PATJ: variants seen among roughly 807,000 people sequenced by gnomAD.
PATJ encodes the protein PATJ crumbs cell polarity complex component, also known as inaD-like protein.
Under a neutral mutation model 224.9 loss-of-function variants are expected in PATJ, and 190 were observed. That is an observed-to-expected ratio of 0.84 (90% CI 0.75 to 0.95). The LOEUF is 0.95. PATJ is among the 40% of genes least tolerant of loss of function. The pLI is 0.00. For synonymous variants in PATJ, 769 were observed against 820.3 expected, an observed-to-expected ratio of 0.94 and a Z score of 1.07; for missense variants, 2,121 against 2,270.3, an observed-to-expected ratio of 0.93 and a Z score of 1.34.
chr1:61,798,052 T>C (rs975675951), intron 11 of PATJ, among the ~76,000 whole-genome samples: 1 of 152,204 alleles, frequency 6.6e-6, no homozygotes, highest in African/African-American at 2.4e-5. Context: ...GTGATCTGCC[T>C]GCCTTGGTCT....
chr1:61,995,012 A>G lies in PATJ; in HGVS notation c.3867+4648A>G, dbSNP rs139352918. ...ACTCTATGATATGTGAAGAATTTGT[A>G]TGTAGTATAATATCAAATCCAATGT... On this transcript the variant is annotated intron_variant, in intron 28 of 43. Coordinates refer to ENST00000642238, the MANE Select transcript of PATJ (RefSeq NM_001350145.3). 2.5e-4 allele frequency among the ~76,000 whole-genome samples: 38 copies of G among 152,378 alleles called. No individual in the cohort carries two copies. In the East Asian group the frequency reaches 6.4e-3, roughly 25 times the overall value.
chr1:62,036,900 AGG>A (rs1650517991), intron 29 of PATJ, among the ~76,000 whole-genome samples: 49 of 145,550 alleles, frequency 3.4e-4, no homozygotes, highest in Admixed American at 1.1e-3. Context: ...AAAGGAAGGA[AGG>A]GAGGGAGGGA....
chr1:61,884,344 C>G lies in PATJ; in HGVS notation c.3067C>G (p.Arg1023Gly), dbSNP rs36195976. 2,089 of 1,612,972 alleles carry G rather than the reference C, an allele frequency of 1.3e-3. 20 individuals carry two copies. In the African/African-American group the frequency reaches 0.025, roughly 19 times the overall value. Reference protein sequence around the residue: ...DLPLYQHQATRVISKASAYTG... With the variant: ...DLPLYQHQATGVISKASAYTG... ...GCCTTTATATCAACACCAAGCGACA[C>G]GAGTTATTTCCAAGGCCTCAGCATA... The change falls in exon 22 of 44, where the codon CGA (arginine) becomes GGA (glycine). Residue 1023 changes from arginine to glycine, a missense_variant. By Grantham distance (125) the Arg-to-Gly change is moderately radical. Transcript: ENST00000642238.
chr1:61,954,454 C>CTTTAAAGTAT (rs1244709796), intron 27 of PATJ, among the ~76,000 whole-genome samples: 9 of 152,076 alleles, frequency 5.9e-5, no homozygotes, highest in African/African-American at 1.7e-4. Context: ...TTTTATGTCA[C>CTTTAAAGTAT]TTTAAAGTAT....
intron 17 of PATJ, among the ~76,000 whole-genome samples, chr1:61,843,719 CAA>C (rs60980933): frequency 1.7e-4 from 19 of 109,888 alleles, no homozygotes; most frequent in Admixed American, 3.0e-4. Context: ...GATCAGGTCT[CAA>C]AAAAAAAAAA....
intron 34 of PATJ, among the ~76,000 whole-genome samples, chr1:62,113,833 A>C (rs1311054685): frequency 6.6e-6 from 1 of 152,180 alleles, no homozygotes; most frequent in African/African-American, 2.4e-5. Context: ...TTGCATTATC[A>C]TGTATCCACC....
intron 14 of PATJ, among the ~76,000 whole-genome samples, chr1:61,812,284 A>G (rs984112821): frequency 6.6e-6 from 1 of 151,798 alleles, no homozygotes; most frequent in Non-Finnish European, 1.5e-5. Context: ...GCTTCAGATG[A>G]TATCAGTTAT....
At chr1:61,782,669 C>T (rs1049906335) in intron 7 of PATJ, among the ~76,000 whole-genome samples, 18 of 152,072 alleles carry the variant, frequency 1.2e-4, no homozygotes, top group African/African-American at 4.3e-4. Context: ...TAGAGAAATT[C>T]TATGATATTA....
intron 24 of PATJ, 65 bp from the exon 25 acceptor site, chr1:61,908,307 T>G: frequency 9.3e-7 from 1 of 1,074,452 alleles, no homozygotes; most frequent in Non-Finnish European, 1.4e-6. Context: ...CACATGAACT[T>G]TGAATTAACC....
At chr1:61,885,892 T>C (rs1267544695) in intron 22 of PATJ, among the ~76,000 whole-genome samples, 2 of 151,684 alleles carry the variant, frequency 1.3e-5, no homozygotes, top group Non-Finnish European at 2.9e-5. Context: ...ATGGATGAAA[T>C]TGGAAATCAT....
intron 27 of PATJ, among the ~76,000 whole-genome samples, chr1:61,968,244 T>C (rs1255637348): frequency 6.6e-6 from 1 of 152,200 alleles, no homozygotes; most frequent in Admixed American, 6.5e-5. Flanking sequence ...TCAGTTTCTT[T>C]AGGTGTATGG....
chr1:61,992,274 T>A (rs566401043), intron 28 of PATJ, among the ~76,000 whole-genome samples: 7 of 152,188 alleles, frequency 4.6e-5, no homozygotes, highest in Admixed American at 2.0e-4. Context: ...AGTGCCACCA[T>A]GCCCAGCTAA....
intron 22 of PATJ, among the ~76,000 whole-genome samples, chr1:61,895,390 A>G (rs1332462790): frequency 6.6e-6 from 1 of 152,180 alleles, no homozygotes. Context: ...GGAGTGAAAA[A>G]TGGTTTTGTG....
chr1:61,952,594 C>T (rs1290465308), intron 27 of PATJ, among the ~76,000 whole-genome samples: 3 of 152,206 alleles, frequency 2.0e-5, no homozygotes, highest in African/African-American at 7.2e-5. Flanking sequence ...AAACAAACCC[C>T]TGCAATTTTC....
chr1:61,984,317 T>A (rs116037657), intron 27 of PATJ, among the ~76,000 whole-genome samples: 1 of 151,620 alleles, frequency 6.6e-6, no homozygotes, highest in African/African-American at 2.4e-5. Context: ...TGTGTCACCA[T>A]GCCATCTAAT....
chr1:61,836,458 G>A (rs185119253), intron 17 of PATJ, among the ~76,000 whole-genome samples: 154 of 152,214 alleles, frequency 1.0e-3, no homozygotes, highest in Admixed American at 2.0e-3. Flanking sequence ...CAGATTAAAG[G>A]GCTCATCTTA....
At chr1:61,936,432 CAAAAAAAA>C (rs11455787) in intron 27 of PATJ, among the ~76,000 whole-genome samples, 1 of 92,736 alleles carries the variant, frequency 1.1e-5, no homozygotes, top group Non-Finnish European at 2.0e-5. Context: ...CTTCCAAGAC[CAAAAAAAA>C]AAAAAAAAAA....
intron 14 of PATJ, among the ~76,000 whole-genome samples, chr1:61,813,378 TACACACAC>T (rs141533164): frequency 0.13 from 6,117 of 45,732 alleles, 281 homozygotes; most frequent in Admixed American, 0.16. Flanking sequence ...TATATATATA[TACACACAC>T]ACACACACAC....
chr1:62,034,343 T>C (rs1182108308), intron 29 of PATJ, among the ~76,000 whole-genome samples: 3 of 148,802 alleles, frequency 2.0e-5, no homozygotes, highest in Non-Finnish European at 4.4e-5. Context: ...CTCGAGTGGC[T>C]GAGGCACGAG....
Sources: gnomAD v4.1 joint callset for allele counts (sites outside exome capture counted in the v4.1 genomes callset) on GRCh38, gnomAD v4.1.1 for gene constraint, MANE v1.5 for transcripts, NCBI Gene and HGNC (gene_info 2026-07-23, HGNC 2026-07-21) for gene names.